The following COL14A1 variants were observed in gnomAD, a reference collection of about 807,000 sequenced individuals.
COL14A1 encodes the protein collagen type XIV alpha 1 chain.
A neutral mutation model predicts 230.3 loss-of-function variants in COL14A1; 136 were observed. The ratio of observed to expected loss-of-function variants is 0.59; its 90% CI spans 0.51 to 0.68. The LOEUF is 0.68. Ranked by LOEUF, COL14A1 falls within the 30% of genes least tolerant of loss-of-function variation. The pLI is 0.00. For missense variants in COL14A1, 1,976 were observed against 2,215.8 expected (o/e 0.89, Z 2.17); for synonymous variants, 792 against 784.1 (o/e 1.01, Z -0.17).
intron 45 of COL14A1, among the ~76,000 whole-genome samples, chr8:120,347,232 G>C (rs1436710241): frequency 6.6e-6 from 1 of 152,142 alleles, no homozygotes; most frequent in African/African-American, 2.4e-5. Flanking sequence ...ATCACCCAAG[G>C]ATTCTCAAAG....
intron 1 of COL14A1, among the ~76,000 whole-genome samples, chr8:120,146,369 A>G (rs1052781608): frequency 6.6e-6 from 1 of 152,180 alleles, no homozygotes; most frequent in Non-Finnish European, 1.5e-5. Context: ...TTTAAAGCTT[A>G]TTATGCTTCC....
intron 34 of COL14A1, among the ~76,000 whole-genome samples, chr8:120,293,878 AT>A (rs58195651): frequency 0.13 from 19,865 of 151,842 alleles, 1,427 homozygotes; most frequent in Non-Finnish European, 0.16. Flanking sequence ...TATGAATTTT[AT>A]TTTCTAATTT....
intron 8 of COL14A1, among the ~76,000 whole-genome samples, chr8:120,200,069 C>CTATATATATAT (rs1817184462): frequency 8.1e-5 from 3 of 36,994 alleles, no homozygotes; most frequent in African/African-American, 7.1e-4. Context: ...ATATAGATAG[C>CTATATATATAT]ATACATTCAG....
intron 2 of COL14A1, among the ~76,000 whole-genome samples, chr8:120,157,849 G>A (rs577219648): frequency 6.6e-6 from 1 of 152,160 alleles, no homozygotes; most frequent in Non-Finnish European, 1.5e-5. Flanking sequence ...AGCCGGGCGT[G>A]GTGGCACGTG....
chr8:120,227,720 C>G (rs1329337297), intron 17 of COL14A1, among the ~76,000 whole-genome samples: 2 of 152,142 alleles, frequency 1.3e-5, no homozygotes, highest in Admixed American at 6.5e-5. Flanking sequence ...GATTGCCAAA[C>G]AAATAAACCT....
At chr8:120,276,837 T>TA (rs60776239) in intron 26 of COL14A1, among the ~76,000 whole-genome samples, 72,076 of 149,998 alleles carry the variant, frequency 0.48, 17,615 homozygotes, top group African/African-American at 0.58. Flanking sequence ...AGTATAATAA[T>TA]AAAAAAAAAT....
chr8:120,332,701 G>A lies in COL14A1; in HGVS notation c.4751G>A (p.Gly1584Glu). 1 of 1,613,518 alleles carries A rather than the reference G, an allele frequency of 6.2e-7. No homozygotes were observed. The highest frequency in any genetic ancestry group is 8.5e-7 in the Non-Finnish European group (1 of 1,179,640). The stretch of plus-strand genomic sequence containing the variant: ...ACCCCTGGAGTCCCAGGGATCACAG[G>A]AAGCATGGGACCGCAAGGCGCCCTG... ...PGTPGVPGIT[G>E]SMGPQGALGP... Residue 1584 changes from glycine to glutamate, a missense_variant, in exon 42 of 48, where the codon GGA becomes GAA. By Grantham distance (98) the Gly-to-Glu change is moderately conservative. This residue lies in a region of COL14A1 where 1,791 missense variants were observed against 2,019.5 expected (regional missense o/e 0.89). Transcript: ENST00000297848.
intron 5 of COL14A1, among the ~76,000 whole-genome samples, chr8:120,183,336 C>T (rs980780167): frequency 2.0e-5 from 3 of 152,120 alleles, no homozygotes; most frequent in Non-Finnish European, 4.4e-5. Context: ...ATTTAGGTCA[C>T]TTTGAGAGTC....
At chr8:120,206,878 A>C in intron 9 of COL14A1, 65 bp from the exon 10 acceptor site, 1 of 1,419,072 alleles carries the variant, frequency 7.0e-7, no homozygotes, top group African/African-American at 1.4e-5. Flanking sequence ...GTCTAATGAG[A>C]TGTCTTAGCT....
chr8:120,245,989 G>C (rs1234128104), intron 20 of COL14A1, among the ~76,000 whole-genome samples: 5 of 152,188 alleles, frequency 3.3e-5, no homozygotes, highest in African/African-American at 1.2e-4. Flanking sequence ...TCAATGGAAG[G>C]AGGGTTGAAA....
chr8:120,335,388 C>T (rs1000805710), intron 42 of COL14A1, among the ~76,000 whole-genome samples: 1 of 152,202 alleles, frequency 6.6e-6, no homozygotes, highest in Non-Finnish European at 1.5e-5. Flanking sequence ...TGATCAGAGG[C>T]AGAAACCATT....
chr8:120,256,957 C>T (rs1384425980), intron 23 of COL14A1, among the ~76,000 whole-genome samples: 1 of 152,136 alleles, frequency 6.6e-6, no homozygotes, highest in East Asian at 1.9e-4. Context: ...TATGTTGACA[C>T]AACGATGTAT....
chr8:120,193,277 G>A (rs10435527), intron 5 of COL14A1, among the ~76,000 whole-genome samples: 2,255 of 152,254 alleles, frequency 0.015, 59 homozygotes, highest in African/African-American at 0.05. Context: ...CAGGACGCTC[G>A]GCTGCAGGTC....
chr8:120,252,863 A>T (rs1160065685), intron 22 of COL14A1, among the ~76,000 whole-genome samples: 1 of 152,224 alleles, frequency 6.6e-6, no homozygotes, highest in Admixed American at 6.5e-5. Context: ...CCCCGATTGC[A>T]TATAGGGCCA....
At chr8:120,328,397 ATTTT>A (rs35635525) in intron 40 of COL14A1, among the ~76,000 whole-genome samples, 1 of 141,516 alleles carries the variant, frequency 7.1e-6, no homozygotes, top group African/African-American at 2.5e-5. Context: ...TTTTTTTTTA[ATTTT>A]TTTTTTTTTG....
intron 45 of COL14A1, among the ~76,000 whole-genome samples, chr8:120,348,809 G>A (rs1822634682): frequency 6.6e-6 from 1 of 152,080 alleles, no homozygotes; most frequent in African/African-American, 2.4e-5. Context: ...AAATACATTT[G>A]ACATCATGAT....
At chr8:120,370,780 C>T in intron 47 of COL14A1, 1 of 1,375,068 alleles carries the variant, frequency 7.3e-7, no homozygotes, top group Non-Finnish European at 9.7e-7. Flanking sequence ...CTCTCCCTTC[C>T]TCCCCTGATC....
intron 1 of COL14A1, among the ~76,000 whole-genome samples, chr8:120,135,485 G>A (rs1156484498): frequency 6.6e-6 from 1 of 152,058 alleles, no homozygotes; most frequent in South Asian, 2.1e-4. Flanking sequence ...GGCTGGTCTC[G>A]AACTCCCAAC....
intron 4 of COL14A1, among the ~76,000 whole-genome samples, chr8:120,166,923 G>GT (rs1815914412): frequency 1.4e-5 from 1 of 71,462 alleles, no homozygotes; most frequent in Non-Finnish European, 3.2e-5. Flanking sequence ...TGTGTGTGTG[G>GT]TGGTGATGAT....
Sources: allele counts gnomAD v4.1 joint callset (sites outside exome capture counted in the v4.1 genomes callset), GRCh38; gene constraint gnomAD v4.1.1; regional missense constraint gnomAD v4.1.1; transcripts MANE v1.5; gene names NCBI Gene and HGNC (gene_info 2026-07-23, HGNC 2026-07-21).